XCR1: variants seen among roughly 807,000 people sequenced by gnomAD.
XCR1 encodes X-C motif chemokine receptor 1.
For synonymous variants in XCR1, 187 were observed against 188.5 expected (o/e 0.99, Z 0.06); for missense variants, 356 against 424.2 (o/e 0.84, Z 1.41).
At chr3:46,062,025 CT>C (rs1697972840) in intron 4 of XCR1, among the ~76,000 whole-genome samples, 1 of 152,154 alleles carries the variant, frequency 6.6e-6, no homozygotes, top group South Asian at 2.1e-4. Flanking sequence ...GTGCCATAAG[CT>C]TTTGGAGGTG....
Position 46,018,519 on chromosome 3 carries a change from T to G in XCR1, c.*2427A>C, listed in dbSNP as rs1708083550. 6.6e-6 allele frequency: 1 copy of G among 152,208 alleles called. No individual in the cohort carries two copies. The highest frequency in any genetic ancestry group is 2.1e-4 in the South Asian group (1 of 4,828). 9.4% of individuals were successfully genotyped at this position (152,208 alleles called of 1,614,324 possible). ...ATACCACAAACTACCTCATTATCTC[T>G]TCCTTATGCTGTTTCTCCCATCGGT... On this transcript the variant is annotated 3_prime_UTR_variant, in exon 2 of 2. Coordinates refer to ENST00000309285, the MANE Select transcript of XCR1 (RefSeq NM_001024644.2).
rs1176873750 is a variant in XCR1 at position 46,020,643 on chromosome 3, C to G, written c.*303G>C. On this transcript the variant is annotated 3_prime_UTR_variant, in exon 2 of 2. Coordinates refer to ENST00000309285, the MANE Select transcript of XCR1 (RefSeq NM_001024644.2). ...CCAGAATCCTTTCATGTCTTAGAAC[C>G]TTCTGAACTAAACAGTGATTAGAAA... is the stretch of plus-strand genomic sequence containing the variant. The G allele has an allele frequency of 2.4e-6, 1 of 410,854 alleles. No homozygotes were observed. The highest frequency in any genetic ancestry group is 4.6e-5 in the East Asian group (1 of 21,970). The allele number at this position is 410,854 out of a possible 1,614,324, so 25.5% of individuals were successfully genotyped here. A position where few individuals can be genotyped will look rare whatever the true frequency, so the allele number is the denominator to read the frequency against.
Position 46,020,794 on chromosome 3 carries a change from T to TG in XCR1, c.*151dup. 1 of 1,082,778 alleles carries TG rather than the reference T, an allele frequency of 9.2e-7. No individual in the cohort carries two copies. Among genetic ancestry groups the TG allele is most frequent in the Non-Finnish European group, 1.3e-6 (1 of 783,146 alleles). The allele number at this position is 1,082,778 out of a possible 1,614,324, so 67.1% of individuals were successfully genotyped here. A position where few individuals can be genotyped will look rare whatever the true frequency, so the allele number is the denominator to read the frequency against. On this transcript the variant is annotated 3_prime_UTR_variant, in exon 2 of 2. Transcript: ENST00000309285. ...CAGATGAGAGGCTGGCGGGACCCAC[T>TG]GGTGTAATGAATGACCTTCACTGCA...
At chr3:46,072,838 G>A (rs1327901126) in intron 3 of XCR1, among the ~76,000 whole-genome samples, 1 of 152,176 alleles carries the variant, frequency 6.6e-6, no homozygotes, top group African/African-American at 2.4e-5. Context: ...AATGAACAAA[G>A]CTGGAGGCAT....
At chr3:46,039,666 A>T (rs1697501308) in intron 5 of XCR1, among the ~76,000 whole-genome samples, 1 of 152,174 alleles carries the variant, frequency 6.6e-6, no homozygotes, top group Admixed American at 6.5e-5. Context: ...GACCCAAGAG[A>T]AGGTGACAAT....
chr3:46,082,939 A>G (rs1217815005), intron 1 of XCR1, among the ~76,000 whole-genome samples: 1 of 152,184 alleles, frequency 6.6e-6, no homozygotes, highest in African/African-American at 2.4e-5. Context: ...TTTGACCACA[A>G]TGACCCACTG....
chr3:46,060,671 G>T (rs544619782), intron 4 of XCR1, among the ~76,000 whole-genome samples: 1 of 152,298 alleles, frequency 6.6e-6, no homozygotes, highest in East Asian at 1.9e-4. Flanking sequence ...TTTGCTAGGG[G>T]ATTACCTATG....
At chr3:46,038,983 A>C (rs1408763734) in intron 5 of XCR1, among the ~76,000 whole-genome samples, 1 of 151,516 alleles carries the variant, frequency 6.6e-6, no homozygotes, top group Non-Finnish European at 1.5e-5. Context: ...AAGTGGTTAA[A>C]AAAAAAAAAG....
At chr3:46,060,148 T>C (rs1018135417) in intron 4 of XCR1, among the ~76,000 whole-genome samples, 7 of 152,244 alleles carry the variant, frequency 4.6e-5, no homozygotes, top group African/African-American at 1.7e-4. Flanking sequence ...TCTGGTCATA[T>C]GGTCATAGCT....
intron 1 of XCR1, among the ~76,000 whole-genome samples, chr3:46,024,615 A>T (rs937765265): frequency 2.6e-5 from 4 of 152,198 alleles, no homozygotes; most frequent in African/African-American, 9.6e-5. Context: ...TCTATCATGT[A>T]TTGACTGTAT....
At chr3:46,032,170 C>G (rs1236183427), upstream of XCR1, among the ~76,000 whole-genome samples, 4 of 152,212 alleles carry the variant, frequency 2.6e-5, no homozygotes, top group Non-Finnish European at 5.9e-5. Context: ...GAAACATGCC[C>G]CCTGCTTGCC....
Position 46,056,851 on chromosome 3 carries a change from C to T in XCR1, c.-182-2781G>A, listed in dbSNP as rs76416522. Among the ~76,000 whole-genome samples, 1,158 of 152,134 alleles carry T rather than the reference C, an allele frequency of 7.6e-3. 18 individuals carry two copies. Among genetic ancestry groups the T allele is most frequent in the African/African-American group, 0.026 (1,083 of 41,482 alleles). On this transcript the variant is annotated intron_variant, in intron 4 of 5. Coordinates refer to the XCR1 transcript ENST00000683768. ...TGTTTACCTAGGAGTCATCTGGCTC[C>T]TAGGTATTTACTAGAGAAAGCCAAA...
chr3:46,042,677 A>C (rs1387510669), intron 5 of XCR1, among the ~76,000 whole-genome samples: 1 of 152,244 alleles, frequency 6.6e-6, no homozygotes, highest in African/African-American at 2.4e-5. Flanking sequence ...TGAATCAGTA[A>C]TCAAAAACTT....
At chr3:46,066,439 T>C (rs1698077349) in intron 4 of XCR1, among the ~76,000 whole-genome samples, 2 of 152,280 alleles carry the variant, frequency 1.3e-5, no homozygotes, top group South Asian at 4.1e-4. Flanking sequence ...GAGACGGGGT[T>C]TCACCATGTT....
At chr3:46,070,680 C>T (rs1281642537) in intron 3 of XCR1, among the ~76,000 whole-genome samples, 3 of 151,894 alleles carry the variant, frequency 2.0e-5, no homozygotes, top group Non-Finnish European at 4.4e-5. Flanking sequence ...TTGAGTTCCT[C>T]GTAAGCAGCA....
At chr3:46,059,962 G>T (rs1460189858) in intron 4 of XCR1, among the ~76,000 whole-genome samples, 3 of 152,172 alleles carry the variant, frequency 2.0e-5, no homozygotes, top group African/African-American at 7.2e-5. Context: ...TCTTTCCCTA[G>T]ATACCTTGTA....
intron 1 of XCR1, chr3:46,023,671 C>T: frequency 2.1e-6 from 3 of 1,431,844 alleles, no homozygotes; most frequent in Non-Finnish European, 2.9e-6. Flanking sequence ...TTCAGAGAAA[C>T]GCCTGCTTGA....
chr3:46,050,188 C>T (rs574701637), intron 5 of XCR1, among the ~76,000 whole-genome samples: 19 of 152,172 alleles, frequency 1.2e-4, no homozygotes, highest in Non-Finnish European at 2.4e-4. Context: ...TCTGCTGTGA[C>T]ATTTGCTCTA....
rs967650986 is a variant in XCR1 at position 46,017,526 on chromosome 3, CA to C, written c.*3419del. Reference sequence around the variant, plus strand: ...GAGAAAACAGAGGTAGAAAAAAGGCCAAAAGATGGTCTCCTGTTAACTCACT... The same window carrying C: ...GAGAAAACAGAGGTAGAAAAAAGGCCAAAGATGGTCTCCTGTTAACTCACT... On this transcript the variant is annotated 3_prime_UTR_variant, in exon 2 of 2. Transcript: ENST00000309285. 6.6e-6 allele frequency: 1 copy of C among 152,144 alleles called. No homozygotes were observed. Among genetic ancestry groups the C allele is most frequent in the African/African-American group, 2.4e-5 (1 of 41,422 alleles). The allele number at this position is 152,144 out of a possible 1,614,324, so 9.4% of individuals were successfully genotyped here. A position where few individuals can be genotyped will look rare whatever the true frequency, so the allele number is the denominator to read the frequency against.
Sources: allele counts gnomAD v4.1 joint callset (sites outside exome capture counted in the v4.1 genomes callset), GRCh38; gene constraint gnomAD v4.1.1; transcripts MANE v1.5; gene names NCBI Gene and HGNC (gene_info 2026-07-23, HGNC 2026-07-21).